Variants in SYN3 observed in about 807,000 individuals in gnomAD.
SYN3 encodes the protein synapsin-3.
In SYN3, 35 loss-of-function variants were observed where a neutral mutation model predicts 65.8. The ratio of observed to expected loss-of-function variants is 0.53; its 90% confidence interval spans 0.41 to 0.70. The LOEUF (loss-of-function observed/expected upper bound fraction) is 0.70. Ranked by LOEUF, SYN3 falls within the 30% of genes least tolerant of loss-of-function variation. SYN3 has a pLI of 0.00. For missense variants in SYN3, 680 were observed against 749.0 expected (o/e 0.91, Z 1.08); for synonymous variants, 270 against 292.9 (o/e 0.92, Z 0.80).
At chr22:32,978,526 C>T (rs952615468) in intron 3 of SYN3, among the ~76,000 whole-genome samples, 3 of 152,140 alleles carry the variant, frequency 2.0e-5, no homozygotes, top group Non-Finnish European at 2.9e-5. Flanking sequence ...TCCATTCACA[C>T]GCTCTTCACG....
At chr22:32,733,570 G>A (rs147811322) in intron 6 of SYN3, among the ~76,000 whole-genome samples, 270 of 152,300 alleles carry the variant, frequency 1.8e-3, no homozygotes, top group African/African-American at 4.6e-3. Context: ...GGCGCCTGGC[G>A]GAGCTCAGTC....
At chr22:32,933,504 C>G (rs2050692730) in intron 3 of SYN3, among the ~76,000 whole-genome samples, 1 of 152,196 alleles carries the variant, frequency 6.6e-6, no homozygotes, top group South Asian at 2.1e-4. Flanking sequence ...TCTCGGCTCA[C>G]TGCAACCTCT....
chr22:32,998,515 C>G (rs2052953513), intron 2 of SYN3, among the ~76,000 whole-genome samples: 2 of 152,008 alleles, frequency 1.3e-5, no homozygotes, highest in Admixed American at 6.6e-5. Flanking sequence ...AAAAGGCTAC[C>G]AGCAGAGTAA....
rs375485708 is a variant in SYN3 at position 32,512,019 on chromosome 22, G to C, written c.*1673C>G. Among the ~76,000 whole-genome samples, 1 of 152,200 alleles carries C rather than the reference G, an allele frequency of 6.6e-6. No homozygotes were observed. The highest frequency in any genetic ancestry group is 2.1e-4 in the South Asian group (1 of 4,834). ...TGACCCAGTCTCCAGCCAATAGCCC[G>C]TCAAAAGCCAGCTTGAAGGCAGGCT... On this transcript the variant is annotated 3_prime_UTR_variant, in exon 14 of 14. Transcript: ENST00000358763.
At chr22:32,613,009 C>A (rs143322655) in intron 6 of SYN3, among the ~76,000 whole-genome samples, 1 of 151,994 alleles carries the variant, frequency 6.6e-6, no homozygotes, top group Non-Finnish European at 1.5e-5. Flanking sequence ...GGAGTTCTCA[C>A]GAGAACTGAT....
chr22:32,638,463 A>G (rs1355308379), intron 6 of SYN3, among the ~76,000 whole-genome samples: 1 of 152,180 alleles, frequency 6.6e-6, no homozygotes, highest in East Asian at 1.9e-4. Context: ...CTGCAGCCTC[A>G]CCAACATCTG....
chr22:32,880,030 G>A (rs183929413), intron 4 of SYN3, among the ~76,000 whole-genome samples: 1 of 152,302 alleles, frequency 6.6e-6, no homozygotes, highest in East Asian at 1.9e-4. Flanking sequence ...ACCTTCCTGG[G>A]ATGATTGTCT....
chr22:32,843,185 C>T (rs984249377), intron 6 of SYN3, among the ~76,000 whole-genome samples: 1 of 152,184 alleles, frequency 6.6e-6, no homozygotes, highest in Non-Finnish European at 1.5e-5. Flanking sequence ...ACAGTAGCCA[C>T]CTTACCAGCT....
At chr22:32,543,641 G>C (rs1019917109) in intron 7 of SYN3, among the ~76,000 whole-genome samples, 1 of 152,284 alleles carries the variant, frequency 6.6e-6, no homozygotes, top group East Asian at 1.9e-4. Context: ...TAAGCCCTTG[G>C]TTTTAGCTGG....
chr22:32,531,884 AG>A (rs2058076997), intron 10 of SYN3, among the ~76,000 whole-genome samples: 1 of 78,018 alleles, frequency 1.3e-5, no homozygotes, highest in Non-Finnish European at 2.6e-5. Flanking sequence ...TATTTTTTGA[AG>A]TCCGAGCCCA....
At chr22:32,548,808 A>G (rs2146285223) in intron 7 of SYN3, among the ~76,000 whole-genome samples, 1 of 152,362 alleles carries the variant, frequency 6.6e-6, no homozygotes, top group Middle Eastern at 3.4e-3. Flanking sequence ...TCCTAAAGAT[A>G]TAATGGAAGA....
At chr22:32,599,112 C>T (rs1015262094) in intron 6 of SYN3, among the ~76,000 whole-genome samples, 6 of 152,094 alleles carry the variant, frequency 3.9e-5, no homozygotes, top group African/African-American at 1.4e-4. Context: ...TCTGTTTTTA[C>T]AAAATTGGGA....
At chr22:32,696,352 C>A (rs1256060647) in intron 6 of SYN3, among the ~76,000 whole-genome samples, 5 of 152,186 alleles carry the variant, frequency 3.3e-5, no homozygotes, top group Non-Finnish European at 7.3e-5. Context: ...TGGTCCCTGC[C>A]TGGGCAATTG....
chr22:32,734,351 G>A (rs1303635528), intron 6 of SYN3, among the ~76,000 whole-genome samples: 1 of 152,238 alleles, frequency 6.6e-6, no homozygotes, highest in Non-Finnish European at 1.5e-5. Context: ...GTGCAGGGGG[G>A]AGAGAGTATG....
rs139516136 is a variant in SYN3 at position 32,736,092 on chromosome 22, G to A, written c.711+128823C>T. On this transcript the variant is annotated intron_variant, in intron 6 of 13. Transcript: ENST00000358763. ...GTTTTTGTTTCTTAATTTTAAAATC[G>A]ACTTTACTGGAGTATAATTTACATG... Among the ~76,000 whole-genome samples, 720 of 152,260 alleles carry A rather than the reference G, an allele frequency of 4.7e-3. 4 individuals carry two copies. Among genetic ancestry groups the A allele is most frequent in the African/African-American group, 0.015 (624 of 41,538 alleles).
intron 6 of SYN3, among the ~76,000 whole-genome samples, chr22:32,816,783 C>T (rs135026): frequency 0.9 from 136,860 of 152,148 alleles, 61,722 homozygotes; most frequent in Middle Eastern, 0.94. Context: ...GAATTAAGGT[C>T]GCTTCCCTGG....
intron 7 of SYN3, among the ~76,000 whole-genome samples, chr22:32,576,286 TGTGCC>T (rs112121568): frequency 0.02 from 3,043 of 152,302 alleles, 98 homozygotes; most frequent in African/African-American, 0.069. Flanking sequence ...TGCCAAGCTC[TGTGCC>T]GAGTATCCCG....
At position 32,801,980 on chromosome 22, in the gene SYN3, G is replaced by T; in HGVS notation, c.711+62935C>A. ...CTTTGGAGAGGCGAGCAGCAGCCCC[G>T]GCAGCGGCGGCAGCAGCGGCAATGA... On this transcript the variant is annotated intron_variant, in intron 6 of 13. Transcript: ENST00000358763. The surrounding 1 kb of genome is among the most constrained non-coding windows in gnomAD (Gnocchi z 4.7). 1 of 1,580,608 alleles carries T rather than the reference G, an allele frequency of 6.3e-7. No individual in the cohort carries two copies.
chr22:32,783,526 TG>T (rs1374978126), intron 6 of SYN3, among the ~76,000 whole-genome samples: 1 of 152,168 alleles, frequency 6.6e-6, no homozygotes, highest in Non-Finnish European at 1.5e-5. Context: ...GCCTTGAGAT[TG>T]CTAGTTTTTA....
Sources: gnomAD v4.1 joint callset for allele counts (sites outside exome capture counted in the v4.1 genomes callset) on GRCh38, gnomAD v4.1.1 for gene constraint, Gnocchi (gnomAD v3.1) non-coding constraint, MANE v1.5 for transcripts, NCBI Gene and HGNC (gene_info 2026-07-23, HGNC 2026-07-21) for gene names.